ZNF445: variants seen among roughly 807,000 people sequenced by gnomAD.
ZNF445 encodes the protein zinc finger protein 168.
Under a neutral mutation model 93.9 loss-of-function variants are expected in ZNF445, and 19 were observed. That is an observed-to-expected ratio of 0.20 (90% CI 0.14 to 0.30). The LOEUF (loss-of-function observed/expected upper bound fraction) is 0.30. ZNF445 is among the 10% of genes least tolerant of loss of function. The pLI, the probability that ZNF445 is intolerant of heterozygous loss-of-function variation, is 1.00. For synonymous variants in ZNF445, 449 were observed against 446.3 expected, an observed-to-expected ratio of 1.01 and a Z score of -0.08; for missense variants, 1,058 against 1,259.4, an observed-to-expected ratio of 0.84 and a Z score of 2.42.
intron 1 of ZNF445, among the ~76,000 whole-genome samples, chr3:44,468,435 A>G (rs1004677451): frequency 6.6e-6 from 1 of 152,244 alleles, no homozygotes; most frequent in Non-Finnish European, 1.5e-5. Flanking sequence ...TCTTTCCCAA[A>G]GCAGATCTCC....
At position 44,471,218 on chromosome 3, in the gene ZNF445, T is replaced by C. The variant is rs544967573; in HGVS notation, c.-269+6373A>G. 2.9e-3 allele frequency among the ~76,000 whole-genome samples: 436 copies of C among 152,334 alleles called. 3 individuals carry two copies. Among genetic ancestry groups the C allele is most frequent in the African/African-American group, 9.9e-3 (413 of 41,574 alleles). On this transcript the variant is annotated intron_variant, in intron 1 of 7. Transcript: ENST00000396077. ...TCAGTCTAGAGAGCAATCTCATCAG[T>C]ATCTTCTTGTCCCTAAAAGCTTCTT...
chr3:44,476,273 T>C (rs530548995), intron 1 of ZNF445, among the ~76,000 whole-genome samples: 1 of 152,356 alleles, frequency 6.6e-6, no homozygotes, highest in Non-Finnish European at 1.5e-5. Context: ...AGCGGTGGAA[T>C]ACTTGCCATT....
intron 3 of ZNF445, among the ~76,000 whole-genome samples, chr3:44,452,664 T>C (rs1049936244): frequency 2.0e-4 from 31 of 152,360 alleles, no homozygotes; most frequent in African/African-American, 7.5e-4. Context: ...TTGTAACTAC[T>C]GTGTACCTCA....
In ZNF445 at chr3:44,438,940, C is replaced by T. The variant is rs1366419515; in HGVS notation, c.*7635G>A. Reference sequence around the variant, plus strand: ...CTAGATGATGAGTTAGTGGGTGCAGCGCACCAGCATGGCACATGTATACAT... The same window carrying T: ...CTAGATGATGAGTTAGTGGGTGCAGTGCACCAGCATGGCACATGTATACAT... On this transcript the variant is annotated 3_prime_UTR_variant, in exon 8 of 8. Coordinates refer to ENST00000396077, the MANE Select transcript of ZNF445 (RefSeq NM_181489.6). 1.3e-5 allele frequency: 2 copies of T among 149,084 alleles called. No homozygotes were observed. The highest frequency in any genetic ancestry group is 2.5e-5 in the African/African-American group (1 of 40,414). 9.2% of individuals were successfully genotyped at this position (149,084 alleles called of 1,614,324 possible).
intron 6 of ZNF445, among the ~76,000 whole-genome samples, chr3:44,449,928 C>T (rs1697933875): frequency 1.3e-5 from 2 of 152,088 alleles, no homozygotes; most frequent in Admixed American, 6.6e-5. Context: ...AACATATTAC[C>T]TTTAATCCGT....
intron 1 of ZNF445, among the ~76,000 whole-genome samples, chr3:44,475,736 C>T (rs1037069706): frequency 1.3e-5 from 2 of 152,140 alleles, no homozygotes; most frequent in African/African-American, 2.4e-5. Context: ...CGGTGGCTCA[C>T]GCCTGTAATC....
At chr3:44,473,894 AG>A (rs1240135581) in intron 1 of ZNF445, among the ~76,000 whole-genome samples, 1 of 152,238 alleles carries the variant, frequency 6.6e-6, no homozygotes. Context: ...AATAAATAAC[AG>A]GGGAGAAGGG....
rs1403873236 is a variant in ZNF445, at chr3:44,447,877, G to A, written c.1794C>T (p.Asp598=). Reference sequence around the variant, plus strand: ...GGAAGGATTTCCTGCACTGGCTGCAGTCAAAGAGTTTCTCCCCACTTTGGT... The same window carrying A: ...GGAAGGATTTCCTGCACTGGCTGCAATCAAAGAGTTTCTCCCCACTTTGGT... ...LGDQSGEKLF[D]CSQCRKSFHC... The change falls in exon 8 of 8, where the codon GAC becomes GAT. Residue 598 remains aspartate (D), a synonymous_variant. Coordinates refer to ENST00000396077, the MANE Select transcript of ZNF445 (RefSeq NM_181489.6). The surrounding 1 kb of genome is among the most constrained non-coding windows in gnomAD (Gnocchi z 4.7). 6.2e-7 allele frequency: 1 copy of A among 1,613,938 alleles called. No homozygotes were observed. Among genetic ancestry groups the A allele is most frequent in the African/African-American group, 1.3e-5 (1 of 74,888 alleles).
In ZNF445 at chr3:44,455,343, G is replaced by A. The variant is rs1199626245; in HGVS notation, c.207C>T (p.Pro69=). 1 of 1,613,934 alleles carries A rather than the reference G, an allele frequency of 6.2e-7. No homozygotes were observed. Among genetic ancestry groups the A allele is most frequent in the Non-Finnish European group, 8.5e-7 (1 of 1,179,900 alleles). ...RQLRYHESSG[P]LETLSRLREL... ...CCCGGAGCCGGCTCAGAGTTTCTAG[G>A]GGCCCTGAAGACTCATGGTAGCGAA... Residue 69 remains proline (P), a synonymous_variant, in exon 3 of 8, where the codon CCC becomes CCT. Coordinates refer to ENST00000396077, the MANE Select transcript of ZNF445 (RefSeq NM_181489.6).
At chr3:44,467,198 T>C (rs140416306) in intron 1 of ZNF445, among the ~76,000 whole-genome samples, 1,733 of 152,328 alleles carry the variant, frequency 0.011, 28 homozygotes, top group African/African-American at 0.038. Context: ...TTGCAACTTT[T>C]AACAAGTAAA....
At chr3:44,454,748 G>C (rs113133536) in intron 3 of ZNF445, 10,824 of 260,474 alleles carry the variant, frequency 0.042, 301 homozygotes, top group Non-Finnish European at 0.058. Flanking sequence ...TATGTATAGA[G>C]ACAGTGTGGG....
In ZNF445 at chr3:44,439,837, G is replaced by A. The variant is rs1440861207; in HGVS notation, c.*6738C>T. 1 of 152,290 alleles carries A rather than the reference G, an allele frequency of 6.6e-6. No individual in the cohort carries two copies. The highest frequency in any genetic ancestry group is 1.5e-5 in the Non-Finnish European group (1 of 68,100). 9.4% of individuals were successfully genotyped at this position (152,290 alleles called of 1,614,324 possible). A position where few individuals can be genotyped will look rare whatever the true frequency, so the allele number is the denominator to read the frequency against. The stretch of plus-strand genomic sequence containing the variant: ...GAAAGCAAAGCGGGCACCCACGCCA[G>A]TCTGTTGGGCTTCAGTGAAAGGACG... On this transcript the variant is annotated 3_prime_UTR_variant, in exon 8 of 8. Transcript: ENST00000396077.
rs573163598 is a variant in ZNF445, at chr3:44,461,447, G to T, written c.-268-3083C>A. Reference sequence around the variant, plus strand: ...ATCTTTGCATGTGTTTATGTGGAAGGGATCTCAGAGGGGTTGCTGATGGAA... The same window carrying T: ...ATCTTTGCATGTGTTTATGTGGAAGTGATCTCAGAGGGGTTGCTGATGGAA... On this transcript the variant is annotated intron_variant, in intron 1 of 7. Transcript: ENST00000396077. Among the ~76,000 whole-genome samples the T allele has an allele frequency of 7.2e-5, 11 of 152,274 alleles. No individual in the cohort carries two copies. The South Asian group carries it at 2.3e-3, about 32-fold the overall frequency.
chr3:44,453,909 T>C (rs1022389565), intron 3 of ZNF445, among the ~76,000 whole-genome samples: 1 of 152,190 alleles, frequency 6.6e-6, no homozygotes, highest in Non-Finnish European at 1.5e-5. Context: ...GGTTGTGGAA[T>C]GAAGTCTAAA....
chr3:44,468,568 G>C (rs1298345983), intron 1 of ZNF445, among the ~76,000 whole-genome samples: 1 of 152,146 alleles, frequency 6.6e-6, no homozygotes, highest in Non-Finnish European at 1.5e-5. Flanking sequence ...CTGCTCCTAA[G>C]ATCAGTGCTT....
chr3:44,473,452 TTC>T (rs1491550375), intron 1 of ZNF445, among the ~76,000 whole-genome samples: 589 of 54,194 alleles, frequency 0.011, 8 homozygotes, highest in African/African-American at 0.041. Context: ...GAAACTCCAC[TTC>T]ACACACACAC....
intron 1 of ZNF445, among the ~76,000 whole-genome samples, chr3:44,461,120 T>C (rs1000875844): frequency 6.6e-6 from 1 of 152,158 alleles, no homozygotes; most frequent in Non-Finnish European, 1.5e-5. Flanking sequence ...AGTGTCTGCA[T>C]TGGTGAGTAT....
intron 1 of ZNF445, among the ~76,000 whole-genome samples, chr3:44,470,024 T>C (rs567215439): frequency 6.6e-6 from 1 of 151,998 alleles, no homozygotes; most frequent in South Asian, 2.1e-4. Context: ...AACTCCTGGG[T>C]TCAAGTGATC....
Position 44,434,120 on chromosome 3 carries a change from G to C in ZNF445, c.*12455C>G, listed in dbSNP as rs1266881125. On this transcript the variant is annotated 3_prime_UTR_variant, in exon 8 of 8. Transcript: ENST00000396077. ...ATATAGAATGTAACTATTGGAAAGA[G>C]AGAGAAAAAGGGCCTGGCTTGGTGG... 6.6e-6 allele frequency: 1 copy of C among 152,012 alleles called. No individual in the cohort carries two copies. Among genetic ancestry groups the C allele is most frequent in the East Asian group, 1.9e-4 (1 of 5,184 alleles). The allele number at this position is 152,012 out of a possible 1,614,324, so 9.4% of individuals were successfully genotyped here.
Sources: allele counts gnomAD v4.1 joint callset (sites outside exome capture counted in the v4.1 genomes callset), GRCh38; gene constraint gnomAD v4.1.1; non-coding constraint Gnocchi (gnomAD v3.1); transcripts MANE v1.5; gene names NCBI Gene and HGNC (gene_info 2026-07-23, HGNC 2026-07-21).